Variants in NCK2 observed in about 807,000 individuals in gnomAD.
NCK2 encodes the protein cytoplasmic protein NCK2.
In NCK2, 16 loss-of-function variants were observed where a neutral mutation model predicts 33.9. The observed-to-expected ratio is 0.47, with a 90% CI of 0.32 to 0.72. NCK2 has a LOEUF of 0.72. Among genes scored for constraint, NCK2 ranks in the 30% least tolerant of loss-of-function variants. The probability of loss-of-function intolerance (pLI) is 0.03; values close to 1 mark genes in which losing one functional copy is unlikely to be tolerated. For missense variants in NCK2, 418 were observed against 537.3 expected (o/e 0.78, Z 2.19); for synonymous variants, 273 against 239.9 (o/e 1.14, Z -1.27).
At chr2:105,873,606 C>A (rs943038430) in intron 3 of NCK2, among the ~76,000 whole-genome samples, 2 of 151,928 alleles carry the variant, frequency 1.3e-5, no homozygotes, top group Non-Finnish European at 1.5e-5. Context: ...CAGTTTGGCT[C>A]GTTTAAGGGG....
At chr2:105,764,415 TC>T (rs1689867106) in intron 1 of NCK2, among the ~76,000 whole-genome samples, 1 of 152,222 alleles carries the variant, frequency 6.6e-6, no homozygotes. Flanking sequence ...TAGGACTGCA[TC>T]CCTGCAGGAG....
intron 1 of NCK2, among the ~76,000 whole-genome samples, chr2:105,761,177 T>C (rs1297170125): frequency 2.0e-5 from 3 of 152,188 alleles, no homozygotes; most frequent in African/African-American, 7.2e-5. Context: ...AGCAGGGTTG[T>C]GCCCTACCCG....
chr2:105,832,111 C>CT (rs1215420581), intron 2 of NCK2, among the ~76,000 whole-genome samples: 2 of 151,970 alleles, frequency 1.3e-5, no homozygotes, highest in African/African-American at 4.8e-5. Context: ...AGGTATTTGG[C>CT]TTTTTTTCTT....
At chr2:105,829,878 C>T (rs1402479647) in intron 2 of NCK2, among the ~76,000 whole-genome samples, 1 of 152,030 alleles carries the variant, frequency 6.6e-6, no homozygotes, top group East Asian at 1.9e-4. Context: ...ATTCTTCCAA[C>T]AAGATTTGTC....
chr2:105,762,727 AAG>A (rs1306367772), intron 1 of NCK2, among the ~76,000 whole-genome samples: 1 of 152,196 alleles, frequency 6.6e-6, no homozygotes, highest in African/African-American at 2.4e-5. Flanking sequence ...CGTGTGTTGA[AAG>A]AGTGACTGCT....
At position 105,893,448 on chromosome 2, in the gene NCK2, A is replaced by C. The variant is rs1319155967; in HGVS notation, c.*272A>C. The C allele has an allele frequency of 3.3e-5, 13 of 392,806 alleles. No individual in the cohort carries two copies. Among genetic ancestry groups the C allele is most frequent in the Non-Finnish European group, 4.7e-5 (10 of 211,402 alleles). 24.3% of individuals were successfully genotyped at this position (392,806 alleles called of 1,614,324 possible). On this transcript the variant is annotated 3_prime_UTR_variant, in exon 5 of 5. Transcript: ENST00000233154. ...ATCGGAAGTGGCGCTCGTGCATTCA[A>C]CTCGTTCCCGCTCATGGAACCCCTC...
chr2:105,806,484 C>T (rs1016750412), intron 1 of NCK2, among the ~76,000 whole-genome samples: 9 of 152,240 alleles, frequency 5.9e-5, no homozygotes, highest in Non-Finnish European at 8.8e-5. Flanking sequence ...TGATCCACCC[C>T]GCGTTGGCCT....
intron 2 of NCK2, among the ~76,000 whole-genome samples, chr2:105,821,347 G>A (rs1675729118): frequency 1.3e-5 from 2 of 152,086 alleles, no homozygotes; most frequent in South Asian, 4.1e-4. Context: ...TAGCTCTGGA[G>A]GTCTCATGAT....
At chr2:105,834,118 G>A (rs1042942554) in intron 2 of NCK2, among the ~76,000 whole-genome samples, 10 of 152,192 alleles carry the variant, frequency 6.6e-5, no homozygotes, top group African/African-American at 2.4e-4. Context: ...TTCTGTAGCT[G>A]TTAGATGAAA....
intron 1 of NCK2, among the ~76,000 whole-genome samples, chr2:105,757,571 G>A (rs1440393415): frequency 6.6e-6 from 1 of 152,100 alleles, no homozygotes; most frequent in Non-Finnish European, 1.5e-5. Flanking sequence ...TACCTACATA[G>A]GACCAGCCAT....
Position 105,744,964 on chromosome 2 carries a change from G to T in NCK2, c.-375G>T, listed in dbSNP as rs1157960533. The T allele has an allele frequency of 2.1e-5, 3 of 145,386 alleles. No homozygotes were observed. The highest frequency in any genetic ancestry group is 7.4e-5 in the African/African-American group (3 of 40,698). The allele number at this position is 145,386 out of a possible 1,614,324, so 9.0% of individuals were successfully genotyped here. A position where few individuals can be genotyped will look rare whatever the true frequency, so the allele number is the denominator to read the frequency against. ...GGCGGGCGGAGGGGAGGGCTTGGCG[G>T]CCGGGAGGCTCGCGGCGCCCGGGCC... is the stretch of plus-strand genomic sequence containing the variant. On this transcript the variant is annotated 5_prime_UTR_variant, in exon 1 of 5. Coordinates refer to ENST00000233154, the MANE Select transcript of NCK2 (RefSeq NM_003581.5).
chr2:105,892,869 C>G lies in NCK2; in HGVS notation c.949-113C>G. ...TCAAAAAAAAAAAAAAAAGCAGAGACCCAGTGTTTGAGCAATGGGTGGTTT... is the reference window on the plus strand; with the variant it reads ...TCAAAAAAAAAAAAAAAAGCAGAGAGCCAGTGTTTGAGCAATGGGTGGTTT... On this transcript the variant is annotated intron_variant, in intron 4 of 4. Transcript: ENST00000233154. 4 of 770,724 alleles carry G rather than the reference C, an allele frequency of 5.2e-6. No individual in the cohort carries two copies. In the South Asian group the frequency reaches 9.2e-5, roughly 18 times the overall value. The allele number at this position is 770,724 out of a possible 1,614,324, so 47.7% of individuals were successfully genotyped here.
chr2:105,788,866 G>T (rs1488371168), intron 1 of NCK2, among the ~76,000 whole-genome samples: 1 of 152,184 alleles, frequency 6.6e-6, no homozygotes, highest in African/African-American at 2.4e-5. Context: ...TTGACAGAGG[G>T]TGACTAGTCA....
intron 4 of NCK2, among the ~76,000 whole-genome samples, chr2:105,887,903 C>T (rs554012085): frequency 6.6e-6 from 1 of 152,090 alleles, no homozygotes; most frequent in Non-Finnish European, 1.5e-5. Flanking sequence ...AAAGTACCCA[C>T]TTATCGCGAG....
chr2:105,820,800 C>T (rs4851870), intron 2 of NCK2, among the ~76,000 whole-genome samples: 31,183 of 152,152 alleles, frequency 0.2, 3,778 homozygotes, highest in East Asian at 0.33. Flanking sequence ...GAGGCTTTTT[C>T]ATGACAGACA....
At chr2:105,826,072 G>A (rs970293712) in intron 2 of NCK2, among the ~76,000 whole-genome samples, 2 of 152,162 alleles carry the variant, frequency 1.3e-5, no homozygotes, top group East Asian at 1.9e-4. Flanking sequence ...AGAACTATGC[G>A]AGACTGGGTT....
At chr2:105,747,541 T>TA (rs1689326769) in intron 1 of NCK2, among the ~76,000 whole-genome samples, 1 of 152,276 alleles carries the variant, frequency 6.6e-6, no homozygotes, top group South Asian at 2.1e-4. Context: ...TCTCTGACAT[T>TA]AAAAATGAGG....
chr2:105,794,045 ATTTTT>A (rs554091969), intron 1 of NCK2, among the ~76,000 whole-genome samples: 1 of 109,556 alleles, frequency 9.1e-6, no homozygotes, highest in African/African-American at 3.1e-5. Context: ...GTATCTTTCG[ATTTTT>A]TTTTTTTTTT....
intron 4 of NCK2, among the ~76,000 whole-genome samples, chr2:105,890,849 C>G (rs1369210439): frequency 6.6e-6 from 1 of 152,208 alleles, no homozygotes; most frequent in East Asian, 1.9e-4. Flanking sequence ...TTTGTGAACT[C>G]TGTAATAGAC....
Sources: allele counts gnomAD v4.1 joint callset (sites outside exome capture counted in the v4.1 genomes callset), GRCh38; gene constraint gnomAD v4.1.1; transcripts MANE v1.5; gene names NCBI Gene and HGNC (gene_info 2026-07-23, HGNC 2026-07-21).